Variants in EXT1 observed in about 807,000 individuals in gnomAD.
EXT1 encodes the protein exostosin-1.
Under a neutral mutation model 82.5 loss-of-function variants are expected in EXT1, and 20 were observed. That is an observed-to-expected ratio of 0.24 (90% CI 0.17 to 0.35). EXT1 has a LOEUF of 0.35. Among genes scored for constraint, EXT1 ranks in the 10% least tolerant of loss-of-function variants. The pLI is 1.00. For synonymous variants in EXT1, 348 were observed against 350.8 expected (o/e 0.99, Z 0.09); for missense variants, 757 against 936.5 (o/e 0.81, Z 2.50).
chr8:118,027,341 A>G (rs2129870359), intron 1 of EXT1, among the ~76,000 whole-genome samples: 1 of 151,952 alleles, frequency 6.6e-6, no homozygotes, highest in Admixed American at 6.6e-5. Flanking sequence ...ACACACACAC[A>G]CACACACACA....
At chr8:117,889,214 T>A (rs1813200766) in intron 1 of EXT1, among the ~76,000 whole-genome samples, 1 of 152,162 alleles carries the variant, frequency 6.6e-6, no homozygotes, top group Admixed American at 6.5e-5. Context: ...TCACGGAGCC[T>A]CGTTACCAGG....
At chr8:118,085,892 T>C (rs1263155990) in intron 1 of EXT1, among the ~76,000 whole-genome samples, 2 of 152,042 alleles carry the variant, frequency 1.3e-5, no homozygotes, top group African/African-American at 4.8e-5. Context: ...ACCAGAAAAA[T>C]AAAAGAAAAA....
chr8:117,912,764 G>C (rs1315530170), intron 1 of EXT1, among the ~76,000 whole-genome samples: 2 of 152,134 alleles, frequency 1.3e-5, no homozygotes, highest in African/African-American at 4.8e-5. Context: ...AAAGTCAAGA[G>C]CAATCTGAAG....
At chr8:118,002,528 C>CTTTT (rs60354141) in intron 1 of EXT1, among the ~76,000 whole-genome samples, 1,735 of 87,068 alleles carry the variant, frequency 0.02, 53 homozygotes, top group African/African-American at 0.048. Context: ...GAATATTTTT[C>CTTTT]TTTTTTTTTT....
intron 1 of EXT1, among the ~76,000 whole-genome samples, chr8:117,917,670 C>T (rs542517312): frequency 3.3e-5 from 5 of 152,204 alleles, no homozygotes; most frequent in African/African-American, 9.6e-5. Flanking sequence ...TTCTGATGTG[C>T]GTATGGTACC....
intron 1 of EXT1, among the ~76,000 whole-genome samples, chr8:117,957,477 T>C (rs1440444320): frequency 6.6e-6 from 1 of 152,162 alleles, no homozygotes; most frequent in Non-Finnish European, 1.5e-5. Flanking sequence ...CTGCAGGTCT[T>C]ACGGAGGGAG....
rs974615012 is a variant in EXT1, at chr8:118,067,218, T to G, written c.962+42867A>C. 9.8e-5 allele frequency among the ~76,000 whole-genome samples: 15 copies of G among 152,378 alleles called. 2 individuals carry two copies. The highest frequency in any genetic ancestry group is 9.1e-4 in the Admixed American group (14 of 15,306). On this transcript the variant is annotated intron_variant, in intron 1 of 10. Coordinates refer to ENST00000378204, the MANE Select transcript of EXT1 (RefSeq NM_000127.3). ...TTTGAATATTGTCATCTTGGGGCACTGGTGCCATACAAACACACCTGAGCT... is the reference window on the plus strand; with the variant it reads ...TTTGAATATTGTCATCTTGGGGCACGGGTGCCATACAAACACACCTGAGCT...
intron 1 of EXT1, among the ~76,000 whole-genome samples, chr8:117,981,085 A>C (rs1319118914): frequency 6.6e-6 from 1 of 152,226 alleles, no homozygotes; most frequent in Non-Finnish European, 1.5e-5. Context: ...ACAAGCTTCA[A>C]GAAAGAGAAC....
intron 1 of EXT1, among the ~76,000 whole-genome samples, chr8:117,904,053 T>C (rs1813499850): frequency 6.6e-6 from 1 of 152,230 alleles, no homozygotes. Flanking sequence ...GAATGTGTCT[T>C]ATCTTCAGGA....
chr8:118,026,981 C>G (rs527935603), intron 1 of EXT1, among the ~76,000 whole-genome samples: 29 of 152,286 alleles, frequency 1.9e-4, no homozygotes, highest in Middle Eastern at 6.8e-3. Context: ...TGGCATGTGC[C>G]TGTAGTCTCA....
At chr8:117,980,364 C>T (rs1815164264) in intron 1 of EXT1, among the ~76,000 whole-genome samples, 1 of 152,152 alleles carries the variant, frequency 6.6e-6, no homozygotes, top group Non-Finnish European at 1.5e-5. Flanking sequence ...CTAATCCATA[C>T]CCATCTGCCA....
intron 1 of EXT1, among the ~76,000 whole-genome samples, chr8:117,952,796 C>G (rs1023222475): frequency 6.6e-6 from 1 of 151,920 alleles, no homozygotes; most frequent in African/African-American, 2.4e-5. Context: ...ATAATAAAGC[C>G]TCAATATTCT....
intron 5 of EXT1, 66 bp from the exon 6 acceptor site, chr8:117,819,860 C>T (rs1254244467): frequency 7.0e-7 from 1 of 1,425,060 alleles, no homozygotes; most frequent in Non-Finnish European, 9.9e-7. Flanking sequence ...AATTACTCCT[C>T]CTTGCTCCGC....
chr8:118,110,124 T>C lies in EXT1; in HGVS notation c.923A>G (p.Lys308Arg), dbSNP rs771837506. ...GTTGTCTCTGTCACAGCGAGAATCC[T>C]TGTGCTTTTGCCAGTCTTTGCCATG... Reference protein sequence around the residue: ...CKHGKDWQKHKDSRCDRDNTE... With the variant: ...CKHGKDWQKHRDSRCDRDNTE... Residue 308 changes from lysine to arginine, a missense_variant, in exon 1 of 11, where the codon AAG becomes AGG. Physicochemically the swap from Lys to Arg is conservative, Grantham distance 26. Transcript: ENST00000378204. 61 of 1,614,096 alleles carry C rather than the reference T, an allele frequency of 3.8e-5. No individual in the cohort carries two copies. Among genetic ancestry groups the C allele is most frequent in the Non-Finnish European group, 5.0e-5 (59 of 1,180,048 alleles).
At chr8:118,082,377 GAA>G (rs1199836649) in intron 1 of EXT1, among the ~76,000 whole-genome samples, 2 of 152,038 alleles carry the variant, frequency 1.3e-5, no homozygotes, top group Non-Finnish European at 2.9e-5. Context: ...CATCTGAGAG[GAA>G]AAAAAGTTTC....
chr8:117,995,337 T>C (rs1431803472), intron 1 of EXT1, among the ~76,000 whole-genome samples: 1 of 152,212 alleles, frequency 6.6e-6, no homozygotes, highest in Non-Finnish European at 1.5e-5. Context: ...AAAGCCAGCA[T>C]GGTATGAGGA....
At chr8:117,973,880 G>GGAAAGGAAAGGAAA (rs1815005761) in intron 1 of EXT1, among the ~76,000 whole-genome samples, 1 of 75,784 alleles carries the variant, frequency 1.3e-5, no homozygotes, top group Non-Finnish European at 2.9e-5. Context: ...GGAAAGGAAA[G>GGAAAGGAAAGGAAA]GAAAGGAAGG....
At chr8:118,087,206 GT>G (rs1426569053) in intron 1 of EXT1, among the ~76,000 whole-genome samples, 1 of 152,136 alleles carries the variant, frequency 6.6e-6, no homozygotes, top group East Asian at 1.9e-4. Context: ...AATAATTTTC[GT>G]ACTTCCCACA....
intron 1 of EXT1, among the ~76,000 whole-genome samples, chr8:117,981,707 T>TA (rs71569753): frequency 0.038 from 5,494 of 143,118 alleles, 318 homozygotes; most frequent in African/African-American, 0.13. Flanking sequence ...CCAGTTCTAC[T>TA]AAAAAAAAAA....
Sources: gnomAD v4.1 joint callset for allele counts (sites outside exome capture counted in the v4.1 genomes callset) on GRCh38, gnomAD v4.1.1 for gene constraint, MANE v1.5 for transcripts, NCBI Gene and HGNC (gene_info 2026-07-23, HGNC 2026-07-21) for gene names.